NINL: variants seen among roughly 807,000 people sequenced by gnomAD.
The protein encoded by NINL is ninein-like protein.
A neutral mutation model predicts 160.3 loss-of-function variants in NINL; 153 were observed. That is an observed-to-expected ratio of 0.95 (90% CI 0.84 to 1.09). NINL has a LOEUF of 1.09. Ranked by LOEUF, NINL falls within the 50% of genes least tolerant of loss-of-function variation. NINL has a pLI of 0.00. For synonymous variants in NINL, 800 were observed against 734.8 expected (o/e 1.09, Z -1.43); for missense variants, 1,829 against 1,764.0 (o/e 1.04, Z -0.66).
intron 12 of NINL, 63 bp downstream of exon 12, chr20:25,489,812 C>T (rs1319831681): frequency 2.1e-6 from 3 of 1,422,686 alleles, no homozygotes; most frequent in Non-Finnish European, 3.0e-6. Context: ...GCCACCCCCG[C>T]CACCCCCACT....
chr20:25,556,101 G>T (rs1354982395), intron 1 of NINL, among the ~76,000 whole-genome samples: 1 of 152,096 alleles, frequency 6.6e-6, no homozygotes, highest in African/African-American at 2.4e-5. Context: ...GGCAAACATA[G>T]TGAGACTTCA....
chr20:25,466,916 T>C (rs991852449), intron 19 of NINL, among the ~76,000 whole-genome samples: 27 of 152,276 alleles, frequency 1.8e-4, no homozygotes, highest in African/African-American at 6.3e-4. Context: ...AGAGCAGCCT[T>C]GGCAACATAG....
intron 3 of NINL, among the ~76,000 whole-genome samples, chr20:25,517,085 C>T (rs540350300): frequency 4.6e-5 from 7 of 152,152 alleles, no homozygotes; most frequent in African/African-American, 1.4e-4. Flanking sequence ...ACACAGAAAA[C>T]CTCTGTGTGA....
intron 1 of NINL, among the ~76,000 whole-genome samples, chr20:25,540,375 A>G (rs2064642727): frequency 6.6e-6 from 1 of 152,198 alleles, no homozygotes; most frequent in Admixed American, 6.5e-5. Context: ...GAGACATATG[A>G]CGTTGTCATC....
chr20:25,505,184 T>C (rs555474618), intron 5 of NINL, 106 bp from the exon 6 acceptor site: 8 of 1,042,644 alleles, frequency 7.7e-6, no homozygotes, highest in Non-Finnish European at 1.1e-5. Flanking sequence ...CGTGAATGAA[T>C]GTGGAGGACA....
intron 16 of NINL, among the ~76,000 whole-genome samples, chr20:25,477,888 T>C (rs564529916): frequency 3.3e-5 from 5 of 150,720 alleles, no homozygotes; most frequent in Admixed American, 1.3e-4. Context: ...TAAGGGGAAA[T>C]AGCTGAAAGC....
chr20:25,518,649 T>G (rs957664738), intron 2 of NINL, among the ~76,000 whole-genome samples: 12 of 152,240 alleles, frequency 7.9e-5, no homozygotes, highest in African/African-American at 2.7e-4. Context: ...AACTTAAATA[T>G]GTAATCTAAT....
intron 1 of NINL, among the ~76,000 whole-genome samples, chr20:25,537,444 T>TGA: frequency 1.3e-5 from 2 of 152,232 alleles, no homozygotes; most frequent in East Asian, 3.9e-4. Flanking sequence ...CTGATGTAAA[T>TGA]CCAATGGGTC....
In NINL at chr20:25,496,722, A is replaced by C. The variant is rs758547877; in HGVS notation, c.1251T>G (p.Phe417Leu). The change falls in exon 10 of 24, where the codon TTT becomes TTG. Residue 417 changes from phenylalanine to leucine, a missense_variant. Phe to Leu is a conservative substitution (Grantham distance 22). Coordinates refer to ENST00000278886, the MANE Select transcript of NINL (RefSeq NM_025176.6). ...LERAEKRNLE[F>L]VKEMDDCHST... ...AGTGGCAGTCGTCCATCTCTTTCACAAACTCCAGGTTCCTCTTCTCGGCCC... is the reference window on the plus strand; with the variant it reads ...AGTGGCAGTCGTCCATCTCTTTCACCAACTCCAGGTTCCTCTTCTCGGCCC... 4 of 1,613,876 alleles carry C rather than the reference A, an allele frequency of 2.5e-6. No individual in the cohort carries two copies. Among genetic ancestry groups the C allele is most frequent in the Non-Finnish European group, 3.4e-6 (4 of 1,180,014 alleles).
Position 25,465,163 on chromosome 20 carries a change from C to T in NINL, c.3423+2226G>A, listed in dbSNP as rs1568843713. ...ACAAGGCAGACAAGTGACATACGACCAGAGTAGCCTACACTCTCAGAAAAC... is the reference window on the plus strand; with the variant it reads ...ACAAGGCAGACAAGTGACATACGACTAGAGTAGCCTACACTCTCAGAAAAC... On this transcript the variant is annotated intron_variant, in intron 19 of 23. Coordinates refer to ENST00000278886, the MANE Select transcript of NINL (RefSeq NM_025176.6). Among the ~76,000 whole-genome samples, 3 of 152,180 alleles carry T rather than the reference C, an allele frequency of 2.0e-5. No individual in the cohort carries two copies. The South Asian group carries it at 6.2e-4, about 31-fold the overall frequency.
intron 21 of NINL, among the ~76,000 whole-genome samples, chr20:25,459,214 C>T (rs398036): frequency 0.43 from 65,837 of 152,030 alleles, 14,991 homozygotes; most frequent in East Asian, 0.92. Flanking sequence ...GAATCACGCA[C>T]GCTCCATCGG....
At chr20:25,453,899 A>C (rs2090600883) in intron 23 of NINL, among the ~76,000 whole-genome samples, 1 of 152,006 alleles carries the variant, frequency 6.6e-6, no homozygotes, top group African/African-American at 2.4e-5. Flanking sequence ...AAAATACAAA[A>C]AAATTAGCTG....
chr20:25,469,671 C>A (rs1047661515), intron 18 of NINL, among the ~76,000 whole-genome samples: 1 of 152,152 alleles, frequency 6.6e-6, no homozygotes, highest in African/African-American at 2.4e-5. Flanking sequence ...CCCCTAAGTG[C>A]GACGTGCATC....
At chr20:25,533,134 C>G (rs908206748) in intron 1 of NINL, among the ~76,000 whole-genome samples, 2 of 152,122 alleles carry the variant, frequency 1.3e-5, no homozygotes, top group African/African-American at 4.8e-5. Flanking sequence ...AACCATGAAC[C>G]CCGCAGAACT....
rs573751404 is a variant in NINL at position 25,496,075 on chromosome 20, G to A, written c.1310+588C>T. On this transcript the variant is annotated intron_variant, in intron 10 of 23. Coordinates refer to ENST00000278886, the MANE Select transcript of NINL (RefSeq NM_025176.6). ...GCAGGAGAATTGCTTGAACCTGGGA[G>A]GCGGAGGTTGCAGTGAGCCAAGATG... Among the ~76,000 whole-genome samples the A allele has an allele frequency of 1.3e-4, 20 of 152,290 alleles. No individual in the cohort carries two copies. In the East Asian group the frequency reaches 3.7e-3, roughly 28 times the overall value.
chr20:25,551,357 C>A (rs1341052163), intron 1 of NINL, among the ~76,000 whole-genome samples: 1 of 150,602 alleles, frequency 6.6e-6, no homozygotes, highest in South Asian at 2.1e-4. Flanking sequence ...GCAACAAGGG[C>A]GAGACTCCGT....
chr20:25,489,819 C>A (rs1031583556), intron 12 of NINL, 56 bp downstream of exon 12: 2 of 1,480,520 alleles, frequency 1.4e-6, no homozygotes, highest in East Asian at 2.3e-5. Context: ...CCGCCACCCC[C>A]ACTCTGCCCA....
chr20:25,504,422 C>A (rs546951881), intron 6 of NINL, among the ~76,000 whole-genome samples: 1 of 152,222 alleles, frequency 6.6e-6, no homozygotes, highest in Non-Finnish European at 1.5e-5. Context: ...AGGCCAGGCC[C>A]TGCAGTGTGA....
At chr20:25,520,862 A>G (rs1399961492) in intron 2 of NINL, among the ~76,000 whole-genome samples, 2 of 152,246 alleles carry the variant, frequency 1.3e-5, no homozygotes, top group East Asian at 3.8e-4. Context: ...ATATGCAGTT[A>G]TAAGAAAAAT....
Sources: allele counts gnomAD v4.1 joint callset (sites outside exome capture counted in the v4.1 genomes callset), GRCh38; gene constraint gnomAD v4.1.1; transcripts MANE v1.5; gene names NCBI Gene and HGNC (gene_info 2026-07-23, HGNC 2026-07-21).